The following DBF4B variants were observed in gnomAD, a reference collection of about 807,000 sequenced individuals.
The protein encoded by DBF4B is DBF4B-CDC7 kinase regulatory subunit.
DBF4B carries 49 observed loss-of-function variants against 53.4 expected under a neutral mutation model. The ratio of observed to expected loss-of-function variants is 0.92; its 90% CI spans 0.73 to 1.16. The LOEUF (loss-of-function observed/expected upper bound fraction) is 1.16, where lower values mean the gene tolerates loss of function less well. Among genes scored for constraint, DBF4B ranks in the 50% most tolerant of loss-of-function variants. DBF4B has a pLI of 0.00. For synonymous variants in DBF4B, 257 were observed against 288.7 expected (o/e 0.89, Z 1.11); for missense variants, 692 against 775.0 (o/e 0.89, Z 1.27).
rs1972636107 is a variant in DBF4B at position 44,709,193 on chromosome 17, T to G, written c.20-111T>G. 82 of 1,376,762 alleles carry G rather than the reference T, an allele frequency of 6.0e-5. 1 individual carries two copies. The South Asian group carries it at 9.6e-4, about 16-fold the overall frequency. The allele number at this position is 1,376,762 out of a possible 1,614,324, so 85.3% of individuals were successfully genotyped here. A position where few individuals can be genotyped will look rare whatever the true frequency, so the allele number is the denominator to read the frequency against. ...GTCGGAATGGAGTTGAGTCTTGCTG[T>G]TCCCAGGAGTCGCGTTTCTGTGCGC... On this transcript the variant is annotated intron_variant, in intron 1 of 13. Transcript: ENST00000315005.
chr17:44,728,721 G>A (rs1974567133), intron 3 of DBF4B, among the ~76,000 whole-genome samples: 1 of 151,964 alleles, frequency 6.6e-6, no homozygotes, highest in Non-Finnish European at 1.5e-5. Flanking sequence ...GGAGGCTGAT[G>A]TAGGAGAATT....
intron 9 of DBF4B, among the ~76,000 whole-genome samples, chr17:44,738,965 A>C (rs921638013): frequency 6.6e-6 from 1 of 152,218 alleles, no homozygotes; most frequent in Non-Finnish European, 1.5e-5. Context: ...TGAAAAAAGC[A>C]TGAGGAGAGC....
intron 10 of DBF4B, among the ~76,000 whole-genome samples, chr17:44,742,697 T>G (rs1449102482): frequency 2.0e-5 from 3 of 152,052 alleles, no homozygotes; most frequent in Non-Finnish European, 4.4e-5. Context: ...TTAAACTGGT[T>G]GGGCCAAACA....
At chr17:44,729,724 ACACC>A (rs993967124) in intron 3 of DBF4B, among the ~76,000 whole-genome samples, 177 bp from the exon 4 acceptor site, 10 of 146,538 alleles carry the variant, frequency 6.8e-5, no homozygotes, top group African/African-American at 2.6e-4. Context: ...ACACACACAC[ACACC>A]CCATTAGATT....
chr17:44,715,873 AGT>A (rs1365497315), intron 2 of DBF4B, among the ~76,000 whole-genome samples: 18 of 112,464 alleles, frequency 1.6e-4, no homozygotes, highest in African/African-American at 6.1e-4. Context: ...CCCAGGCTGG[AGT>A]GCAATGGCGC....
intron 7 of DBF4B, 125 bp downstream of exon 7, chr17:44,734,288 T>G (rs955762088): frequency 3.6e-5 from 43 of 1,180,058 alleles, no homozygotes; most frequent in Non-Finnish European, 4.9e-5. Context: ...GGAAGAGGAA[T>G]GCAGCCTCTT....
At chr17:44,747,011 G>A (rs1435570223) in intron 10 of DBF4B, 72 bp from the exon 11 acceptor site, 1 of 1,415,758 alleles carries the variant, frequency 7.1e-7, no homozygotes, top group Admixed American at 1.7e-5. Flanking sequence ...TAGGCTCCAG[G>A]CTCTAAGTAG....
At chr17:44,736,805 T>C (rs766135100) in intron 7 of DBF4B, 25 bp from the exon 8 acceptor site, 2 of 1,613,944 alleles carry the variant, frequency 1.2e-6, no homozygotes, top group South Asian at 2.2e-5. Context: ...CTCACATCCT[T>C]AACCTATTTT....
chr17:44,732,270 C>A lies in DBF4B; in HGVS notation c.556+5C>A. On this transcript the variant is annotated splice_donor_5th_base_variant and intron_variant, in intron 6 of 13. Transcript: ENST00000315005. Reference sequence around the variant, plus strand: ...TGAGGATTCTGCACGTGGATGGTACCCTTTCTGTGCTGGGCTCCTGTGGAG... The same window carrying A: ...TGAGGATTCTGCACGTGGATGGTACACTTTCTGTGCTGGGCTCCTGTGGAG... 6.2e-7 allele frequency: 1 copy of A among 1,613,930 alleles called. No individual in the cohort carries two copies. Among genetic ancestry groups the A allele is most frequent in the Non-Finnish European group, 8.5e-7 (1 of 1,179,936 alleles).
chr17:44,736,934 C>G lies in DBF4B; in HGVS notation c.667+68C>G, dbSNP rs548964872. 7.7e-6 allele frequency: 12 copies of G among 1,561,860 alleles called. No homozygotes were observed. The African/African-American group carries it at 1.5e-4, about 19-fold the overall frequency. On this transcript the variant is annotated intron_variant, in intron 8 of 13. Coordinates refer to ENST00000315005, the MANE Select transcript of DBF4B (RefSeq NM_145663.3). ...TCCCTAAACACTTCCCCACGACTCC[C>G]TCTGTGGCAGCATCTGCTCACTTTT...
In DBF4B at chr17:44,750,625, G is replaced by A. The variant is rs150482444; in HGVS notation, c.1220G>A (p.Arg407Gln). 7.4e-6 allele frequency: 12 copies of A among 1,613,552 alleles called. No homozygotes were observed. The highest frequency in any genetic ancestry group is 6.7e-5 in the East Asian group (3 of 44,882). The stretch of plus-strand genomic sequence containing the variant: ...CAAGGCAGGGCTGCGGGCCAGCAGC[G>A]ATGGACAGAATCACTAGATGGTGTG... ...VTQGRAAGQQ[R>Q]WTESLDGVMG... Residue 407 changes from arginine to glutamine, a missense_variant, in exon 14 of 14, where the codon CGA (arginine) becomes CAA (glutamine). Arg to Gln is a conservative substitution (Grantham distance 43). This residue lies in a region of DBF4B where 597 missense variants were observed against 665.8 expected (regional missense o/e 0.90). Transcript: ENST00000315005.
intron 2 of DBF4B, 23 bp downstream of exon 2, chr17:44,709,389 G>A: frequency 6.2e-7 from 1 of 1,614,006 alleles, no homozygotes; most frequent in Non-Finnish European, 8.5e-7. Context: ...ACAGAACTAG[G>A]GACGTGAGGT....
rs150884756 is a variant in DBF4B at position 44,725,542 on chromosome 17, C to T, written c.225+2520C>T. On this transcript the variant is annotated intron_variant, in intron 3 of 13. Coordinates refer to ENST00000315005, the MANE Select transcript of DBF4B (RefSeq NM_145663.3). ...CGCATAGTCAATTGTAGAACATTTT[C>T]ATCACCCCAAAAAGGAAACCCTGTA... Among the ~76,000 whole-genome samples the T allele has an allele frequency of 4.5e-4, 69 of 152,090 alleles. 1 individual carries two copies. The highest frequency in any genetic ancestry group is 1.0e-3 in the African/African-American group (42 of 41,492).
At chr17:44,725,704 T>TTTTTTTTTTTTA (rs1974268765) in intron 3 of DBF4B, among the ~76,000 whole-genome samples, 1 of 144,128 alleles carries the variant, frequency 6.9e-6, no homozygotes, top group Non-Finnish European at 1.5e-5. Flanking sequence ...TTTTTTTTTT[T>TTTTTTTTTTTTA]AAGAGGGGGC....
Position 44,750,959 on chromosome 17 carries a change from G to C in DBF4B, c.1554G>C (p.Trp518Cys), listed in dbSNP as rs771172432. The C allele has an allele frequency of 6.2e-6, 10 of 1,614,014 alleles. No homozygotes were observed. In the East Asian group the frequency reaches 2.0e-4, roughly 32 times the overall value. The change falls in exon 14 of 14, where the codon TGG (tryptophan) becomes TGC (cysteine). Residue 518 changes from tryptophan to cysteine, a missense_variant. Physicochemically the swap from Trp to Cys is radical, Grantham distance 215. Transcript: ENST00000315005. ...TTCGTCCCTTTCCTTTTGTGACATG[G>C]GGTTGCCTCATTCCCCATGACACCA... ...CWVRPFPFVT[W>C]GCLIPHDTTP...
At chr17:44,747,346 C>G (rs372702683) in intron 11 of DBF4B, 45 bp from the exon 12 acceptor site, 46 of 1,611,384 alleles carry the variant, frequency 2.9e-5, no homozygotes, top group Non-Finnish European at 3.5e-5. Context: ...TCCCCCTCCC[C>G]CCAGGCCTCA....
intron 3 of DBF4B, among the ~76,000 whole-genome samples, chr17:44,725,904 T>C (rs1242918636): frequency 6.6e-6 from 1 of 151,832 alleles, no homozygotes; most frequent in South Asian, 2.1e-4. Context: ...CCCAGACTGG[T>C]CACGACCTCC....
intron 2 of DBF4B, among the ~76,000 whole-genome samples, chr17:44,717,894 G>A (rs944176401): frequency 6.6e-6 from 1 of 151,630 alleles, no homozygotes; most frequent in African/African-American, 2.4e-5. Context: ...TGCGTGACAT[G>A]GTGGTGCATG....
chr17:44,748,193 CAGG>C (rs2049159392), intron 12 of DBF4B, 145 bp from the exon 13 acceptor site: 4 of 1,081,668 alleles, frequency 3.7e-6, no homozygotes, highest in Admixed American at 4.8e-5. Context: ...TAGACCCAAA[CAGG>C]AGGACTTTCA....
Sources: allele counts gnomAD v4.1 joint callset (sites outside exome capture counted in the v4.1 genomes callset), GRCh38; gene constraint gnomAD v4.1.1; regional missense constraint gnomAD v4.1.1; transcripts MANE v1.5; gene names NCBI Gene and HGNC (gene_info 2026-07-23, HGNC 2026-07-21).